Variants in CACNA1C observed in about 807,000 individuals in gnomAD.
CACNA1C encodes the protein voltage-dependent L-type calcium channel subunit alpha-1C.
A neutral mutation model predicts 229.0 loss-of-function variants in CACNA1C; 30 were observed. The ratio of observed to expected loss-of-function variants is 0.13; its 90% CI spans 0.10 to 0.18. The LOEUF (loss-of-function observed/expected upper bound fraction) is 0.18, where lower values mean the gene tolerates loss of function less well. Ranked by LOEUF, CACNA1C falls within the 10% of genes least tolerant of loss-of-function variation. The pLI is 1.00. For missense variants in CACNA1C, 1,658 were observed against 2,845.0 expected, an observed-to-expected ratio of 0.58 and a Z score of 9.49; for synonymous variants, 1,114 against 1,132.5, an observed-to-expected ratio of 0.98 and a Z score of 0.33.
intron 16 of CACNA1C, among the ~76,000 whole-genome samples, chr12:2,584,993 G>C (rs1157460761): frequency 2.0e-5 from 3 of 152,178 alleles, no homozygotes; most frequent in Non-Finnish European, 1.5e-5. Context: ...TCCAGTGTTA[G>C]GAAGGCAAGA....
chr12:2,367,282 T>A (rs1385193317), intron 3 of CACNA1C, among the ~76,000 whole-genome samples: 1 of 152,212 alleles, frequency 6.6e-6, no homozygotes, highest in Non-Finnish European at 1.5e-5. Context: ...GAGGCAGAAC[T>A]CAGGGAGTCA....
chr12:2,188,920 G>A (rs1290295352), intron 3 of CACNA1C, among the ~76,000 whole-genome samples: 3 of 151,756 alleles, frequency 2.0e-5, no homozygotes, highest in African/African-American at 7.3e-5. Flanking sequence ...GTGAAACCCC[G>A]TCTCTACTAA....
At chr12:2,422,671 G>A (rs570901827) in intron 3 of CACNA1C, among the ~76,000 whole-genome samples, 3 of 152,278 alleles carry the variant, frequency 2.0e-5, no homozygotes, top group South Asian at 4.1e-4. Flanking sequence ...GTGCTAACTC[G>A]TGTGGCCAGT....
At chr12:2,358,284 TG>T (rs1567224771) in intron 3 of CACNA1C, among the ~76,000 whole-genome samples, 23 of 136,866 alleles carry the variant, frequency 1.7e-4, no homozygotes, top group African/African-American at 6.4e-4. Flanking sequence ...TGTGTGTGTG[TG>T]TGTGTGTGTG....
At chr12:2,667,584 T>C (rs1041762296) in intron 37 of CACNA1C, among the ~76,000 whole-genome samples, 56 of 151,984 alleles carry the variant, frequency 3.7e-4, no homozygotes, top group African/African-American at 1.3e-3. Context: ...TCCAAGGGCA[T>C]AGAAAATATC....
chr12:2,149,306 C>T (rs186280349), intron 3 of CACNA1C, among the ~76,000 whole-genome samples: 253 of 152,292 alleles, frequency 1.7e-3, no homozygotes, highest in Non-Finnish European at 2.1e-3. Context: ...GCTGAGTATG[C>T]ATCCTTCCGA....
intron 3 of CACNA1C, among the ~76,000 whole-genome samples, chr12:2,122,748 A>G (rs1251877720): frequency 6.6e-6 from 1 of 152,140 alleles, no homozygotes; most frequent in Non-Finnish European, 1.5e-5. Flanking sequence ...TACCTTTCCA[A>G]GTAAATTGTT....
At chr12:2,009,217 C>T (rs2043980784) in intron 1 of CACNA1C, among the ~76,000 whole-genome samples, 1 of 152,048 alleles carries the variant, frequency 6.6e-6, no homozygotes, top group African/African-American at 2.4e-5. Context: ...TTGGATACTG[C>T]AATTTAAAAC....
At chr12:2,226,272 T>C (rs1449814287) in intron 3 of CACNA1C, among the ~76,000 whole-genome samples, 3 of 152,168 alleles carry the variant, frequency 2.0e-5, no homozygotes, top group African/African-American at 7.2e-5. Context: ...TTCACTGATT[T>C]GATCTCATTT....
chr12:2,549,564 A>C (rs892627909), intron 9 of CACNA1C, among the ~76,000 whole-genome samples: 13 of 152,228 alleles, frequency 8.5e-5, no homozygotes, highest in African/African-American at 3.1e-4. Flanking sequence ...ATATATTTTC[A>C]TGAAAGCTCC....
intron 3 of CACNA1C, among the ~76,000 whole-genome samples, chr12:2,330,811 C>A (rs1309912321): frequency 6.6e-6 from 1 of 152,098 alleles, no homozygotes; most frequent in East Asian, 1.9e-4. Context: ...CGATTTGGAT[C>A]CTCATCTCAT....
intron 3 of CACNA1C, among the ~76,000 whole-genome samples, chr12:2,304,608 C>T (rs917857538): frequency 2.6e-5 from 4 of 152,190 alleles, no homozygotes; most frequent in Non-Finnish European, 5.9e-5. Context: ...GCAGCCCCTG[C>T]CTCCTCCTCT....
chr12:2,679,457 T>C lies in CACNA1C; in HGVS notation c.5105T>C (p.Leu1702Pro). 1 of 1,572,066 alleles carries C rather than the reference T, an allele frequency of 6.4e-7. No individual in the cohort carries two copies. The highest frequency in any genetic ancestry group is 8.6e-7 in the Non-Finnish European group (1 of 1,157,706). The change falls in exon 42 of 47, where the codon CTG (leucine) becomes CCG (proline). Residue 1702 changes from leucine (L) to proline (P), a missense_variant. Transcript: ENST00000399655. The surrounding 1 kb of genome is among the most constrained non-coding windows in gnomAD (Gnocchi z 5.5). ...EDDIFRRAGG[L>P]FGNHVSYYQS... ...TCTTGCCTACAGAGGGCCGGTGGCC[T>C]GTTCGGCAACCACGTCAGCTACTAC...
At chr12:2,468,772 C>T (rs769674141) in intron 5 of CACNA1C, among the ~76,000 whole-genome samples, 3 of 152,242 alleles carry the variant, frequency 2.0e-5, no homozygotes, top group African/African-American at 4.8e-5. Context: ...TCCGGCCTGC[C>T]GGTGAGGAGA....
intron 19 of CACNA1C, among the ~76,000 whole-genome samples, chr12:2,593,664 T>C (rs775676838): frequency 3.5e-4 from 53 of 152,214 alleles, no homozygotes; most frequent in Admixed American, 1.4e-3. Context: ...TATAATAGAG[T>C]GACCTTAGAC....
At chr12:2,295,548 C>G (rs903071072) in intron 3 of CACNA1C, among the ~76,000 whole-genome samples, 9 of 152,294 alleles carry the variant, frequency 5.9e-5, no homozygotes, top group African/African-American at 2.2e-4. Context: ...AACAGCCATT[C>G]AGTGAATGTG....
chr12:2,353,990 A>G (rs1176336379), intron 3 of CACNA1C, among the ~76,000 whole-genome samples: 1 of 152,186 alleles, frequency 6.6e-6, no homozygotes, highest in Admixed American at 6.5e-5. Flanking sequence ...TAATCTGGCC[A>G]CTGTGTTCAC....
At chr12:2,370,062 C>G (rs1023959748) in intron 3 of CACNA1C, among the ~76,000 whole-genome samples, 1 of 152,024 alleles carries the variant, frequency 6.6e-6, no homozygotes, top group East Asian at 1.9e-4. Context: ...TGGCAAAGGA[C>G]GTGAACAGAT....
chr12:2,599,609 C>T (rs753676049), intron 21 of CACNA1C, among the ~76,000 whole-genome samples: 1 of 152,154 alleles, frequency 6.6e-6, no homozygotes, highest in African/African-American at 2.4e-5. Context: ...GCAGAGCTAG[C>T]GAGCCACGTC....
Sources: gnomAD v4.1 joint callset for allele counts (sites outside exome capture counted in the v4.1 genomes callset) on GRCh38, gnomAD v4.1.1 for gene constraint, Gnocchi (gnomAD v3.1) non-coding constraint, MANE v1.5 for transcripts, NCBI Gene and HGNC (gene_info 2026-07-23, HGNC 2026-07-21) for gene names.